IGSF9B: variants seen among roughly 807,000 people sequenced by gnomAD.
The protein encoded by IGSF9B is protein turtle homolog B.
IGSF9B carries 48 observed loss-of-function variants against 143.7 expected under a neutral mutation model. The observed-to-expected ratio is 0.33, with a 90% confidence interval of 0.26 to 0.42. The LOEUF (loss-of-function observed/expected upper bound fraction) is 0.42. Ranked by LOEUF, IGSF9B falls within the 20% of genes least tolerant of loss-of-function variation. The pLI is 1.00. For missense variants in IGSF9B, 1,706 were observed against 1,980.0 expected (o/e 0.86, Z 2.63); for synonymous variants, 903 against 833.1 (o/e 1.08, Z -1.44).
At chr11:133,927,943 G>A (rs1177725783) in intron 12 of IGSF9B, among the ~76,000 whole-genome samples, 1 of 152,182 alleles carries the variant, frequency 6.6e-6, no homozygotes, top group Admixed American at 6.5e-5. Context: ...AAAGAAGCCG[G>A]CGCCAAACGT....
rs539251835 is a variant in IGSF9B at position 133,909,831 on chromosome 11, A to G, written c.4106-554T>C. 2.6e-5 allele frequency among the ~76,000 whole-genome samples: 4 copies of G among 152,372 alleles called. No individual in the cohort carries two copies. Among genetic ancestry groups the G allele is most frequent in the Admixed American group, 1.3e-4 (2 of 15,310 alleles). On this transcript the variant is annotated intron_variant, in intron 19 of 19. Coordinates refer to ENST00000533871, the MANE Select transcript of IGSF9B (RefSeq NM_001277285.4). The surrounding 1 kb of genome is among the most constrained non-coding windows in gnomAD (Gnocchi z 4.2). ...TCCATGTGAGGGTGCAGAGGAAGAG[A>G]CAAACTGTCAAGACTTTAAAAACAC...
rs1047021142 is a variant in IGSF9B, at chr11:133,901,464, G to T, written c.*7605C>A. The stretch of plus-strand genomic sequence containing the variant: ...TTTATATATGTGTGCAGAGGGCACG[G>T]GCCCCTGCCCATCTTGCCCGGCACT... On this transcript the variant is annotated 3_prime_UTR_variant, in exon 20 of 20. Coordinates refer to ENST00000533871, the MANE Select transcript of IGSF9B (RefSeq NM_001277285.4). 1 of 152,074 alleles carries T rather than the reference G, an allele frequency of 6.6e-6. No homozygotes were observed. The highest frequency in any genetic ancestry group is 6.6e-5 in the Admixed American group (1 of 15,266). The allele number at this position is 152,074 out of a possible 1,614,324, so 9.4% of individuals were successfully genotyped here. A position where few individuals can be genotyped will look rare whatever the true frequency, so the allele number is the denominator to read the frequency against.
intron 7 of IGSF9B, among the ~76,000 whole-genome samples, chr11:133,935,023 T>A (rs1939796939): frequency 6.6e-6 from 1 of 152,202 alleles, no homozygotes; most frequent in Non-Finnish European, 1.5e-5. Flanking sequence ...GTATTAAAGA[T>A]CAGCAAGCTG....
intron 6 of IGSF9B, 53 bp downstream of exon 6, chr11:133,936,000 C>T: frequency 6.3e-7 from 1 of 1,594,310 alleles, no homozygotes; most frequent in Non-Finnish European, 8.6e-7. Flanking sequence ...AGGGGCCCTG[C>T]CCGTGGGGGC....
At chr11:133,919,085 G>A (rs776380242) in intron 18 of IGSF9B, 1 of 463,726 alleles carries the variant, frequency 2.2e-6, no homozygotes, top group Non-Finnish European at 4.4e-6. Context: ...CGCGGGAGCT[G>A]GTCTGTCTCT....
intron 18 of IGSF9B, among the ~76,000 whole-genome samples, chr11:133,915,674 G>C (rs1263796865): frequency 1.3e-5 from 2 of 152,196 alleles, no homozygotes; most frequent in Non-Finnish European, 2.9e-5. Flanking sequence ...CAAAGTGGAG[G>C]CAAGCCTCAG....
chr11:133,944,370 G>T lies in IGSF9B; in HGVS notation c.263-4C>A. 1 of 1,612,926 alleles carries T rather than the reference G, an allele frequency of 6.2e-7. No homozygotes were observed. The highest frequency in any genetic ancestry group is 1.3e-5 in the African/African-American group (1 of 75,032). ...TTATCATGAAGACTGGCCCGGCCTG[G>T]GGGAATAGAGCAGACAAAAGCCCCA... On this transcript the variant is annotated splice_polypyrimidine_tract_variant and splice_region_variant and intron_variant, in intron 2 of 19. Coordinates refer to ENST00000533871, the MANE Select transcript of IGSF9B (RefSeq NM_001277285.4).
intron 1 of IGSF9B, among the ~76,000 whole-genome samples, chr11:133,949,840 G>A (rs572049669): frequency 6.6e-6 from 1 of 152,310 alleles, no homozygotes; most frequent in African/African-American, 2.4e-5. Flanking sequence ...CCTCAAAGGG[G>A]GAAAACCAGC....
At chr11:133,917,919 C>T (rs1476724187) in intron 18 of IGSF9B, among the ~76,000 whole-genome samples, 3 of 151,990 alleles carry the variant, frequency 2.0e-5, no homozygotes, top group East Asian at 3.9e-4. Context: ...TGTTCTGGGC[C>T]CCTTCGGGGT....
chr11:133,951,490 G>T (rs917979297), intron 1 of IGSF9B, among the ~76,000 whole-genome samples: 3 of 152,246 alleles, frequency 2.0e-5, no homozygotes, highest in African/African-American at 4.8e-5. Context: ...GGGCCGCTCC[G>T]GCCCTGAGCC....
At position 133,911,921 on chromosome 11, in the gene IGSF9B, G is replaced by A. The variant is rs973715613; in HGVS notation, c.4070C>T (p.Ser1357Leu). Reference sequence around the variant, plus strand: ...CTTTGACTTCGAAGAGCCCTTGGATGACTTTTTGGGCTTCTTTATCCGTTG... The same window carrying A: ...CTTTGACTTCGAAGAGCCCTTGGATAACTTTTTGGGCTTCTTTATCCGTTG... ...KYQRIKKPKK[S>L]SKGSSKSKKR... is the part of the protein sequence containing the mutation. Residue 1357 changes from serine to leucine, a missense_variant, in exon 19 of 20, where the codon TCA becomes TTA. Ser to Leu is a moderately radical substitution (Grantham distance 145). Transcript: ENST00000533871. 3 of 1,534,922 alleles carry A rather than the reference G, an allele frequency of 2.0e-6. No homozygotes were observed. The Middle Eastern group carries it at 5.0e-4, about 257-fold the overall frequency.
chr11:133,946,092 G>A lies in IGSF9B; in HGVS notation c.231C>T (p.Tyr77=), dbSNP rs758616398. The A allele has an allele frequency of 1.2e-5, 19 of 1,600,582 alleles. No individual in the cohort carries two copies. Among genetic ancestry groups the A allele is most frequent in the Non-Finnish European group, 1.5e-5 (17 of 1,172,236 alleles). The part of the protein sequence containing the change: ...VPIPIFIKFG[Y]YPPHVDPEYA... ...ACTCAGGGTCCACGTGCGGCGGGTA[G>A]TAGCCAAACTTGATGAAGATAGGGA... Residue 77 remains tyrosine (Y), a synonymous_variant, in exon 2 of 20, where the codon TAC becomes TAT. Coordinates refer to ENST00000533871, the MANE Select transcript of IGSF9B (RefSeq NM_001277285.4).
rs976919914 is a variant in IGSF9B, at chr11:133,901,587, CCT to C, written c.*7480_*7481del. ...GATCCTTGCCTCCCACATACATTCCCCTCTCTCCTTAAAATAGAACCAATTCT... is the reference window on the plus strand; with the variant it reads ...GATCCTTGCCTCCCACATACATTCCCCTCTCCTTAAAATAGAACCAATTCT... On this transcript the variant is annotated 3_prime_UTR_variant, in exon 20 of 20. Coordinates refer to ENST00000533871, the MANE Select transcript of IGSF9B (RefSeq NM_001277285.4). 3.3e-5 allele frequency: 5 copies of C among 152,196 alleles called. No homozygotes were observed. The highest frequency in any genetic ancestry group is 9.7e-5 in the African/African-American group (4 of 41,396). The allele number at this position is 152,196 out of a possible 1,614,324, so 9.4% of individuals were successfully genotyped here.
At chr11:133,941,729 G>A (rs749955198) in intron 3 of IGSF9B, among the ~76,000 whole-genome samples, 7 of 152,094 alleles carry the variant, frequency 4.6e-5, no homozygotes, top group Non-Finnish European at 7.4e-5. Flanking sequence ...CAGCTTTCCC[G>A]CCCAGCATTT....
At chr11:133,940,000 C>T (rs774458032) in intron 3 of IGSF9B, among the ~76,000 whole-genome samples, 11 of 145,394 alleles carry the variant, frequency 7.6e-5, no homozygotes, top group Non-Finnish European at 1.5e-4. Context: ...ACACCTTGCA[C>T]GTCATCGCAC....
In IGSF9B at chr11:133,956,718, T is replaced by A. The variant is rs747954751; in HGVS notation, c.37A>T (p.Ile13Phe). ...TCAGCCGCAAGCCCTCGGGTGCCGA[T>A]CACACTTGCTATGAAAGTGGCCACA... The part of the protein sequence containing the change: ...WYVATFIASV[I>F]GTRGLAAEGA... The change falls in exon 1 of 20, where the codon ATC becomes TTC. Residue 13 changes from isoleucine (I) to phenylalanine (F), a missense_variant. Around this residue, in one of 7 missense-constraint regions of IGSF9B, gnomAD observed 171 missense variants for 213.9 expected, o/e 0.80. Coordinates refer to ENST00000533871, the MANE Select transcript of IGSF9B (RefSeq NM_001277285.4). The A allele has an allele frequency of 3.9e-6, 6 of 1,547,160 alleles. No individual in the cohort carries two copies. The highest frequency in any genetic ancestry group is 5.2e-6 in the Non-Finnish European group (6 of 1,148,396).
intron 1 of IGSF9B, among the ~76,000 whole-genome samples, chr11:133,950,497 T>C (rs960321901): frequency 1.3e-5 from 2 of 152,218 alleles, no homozygotes; most frequent in Non-Finnish European, 2.9e-5. Context: ...CTGTGCCCGA[T>C]GCACGGATGG....
Position 133,903,976 on chromosome 11 carries a change from T to C in IGSF9B, c.*5093A>G, listed in dbSNP as rs1036221228. 3.3e-5 allele frequency among the ~76,000 whole-genome samples: 5 copies of C among 152,144 alleles called. No individual in the cohort carries two copies. The highest frequency in any genetic ancestry group is 1.2e-4 in the African/African-American group (5 of 41,420). On this transcript the variant is annotated 3_prime_UTR_variant, in exon 20 of 20. Transcript: ENST00000533871. ...CTAAAAAGAAGCAGAGCTGGAGACA[T>C]TAAAGAGAGAAGAATGGCTGGTCAA...
chr11:133,897,340 T>G lies in IGSF9B; in HGVS notation c.*11729A>C, dbSNP rs995154437. 3.9e-5 allele frequency: 6 copies of G among 152,106 alleles called. No individual in the cohort carries two copies. The highest frequency in any genetic ancestry group is 5.9e-5 in the Non-Finnish European group (4 of 68,036). 9.4% of individuals were successfully genotyped at this position (152,106 alleles called of 1,614,324 possible). A position where few individuals can be genotyped will look rare whatever the true frequency, so the allele number is the denominator to read the frequency against. On this transcript the variant is annotated 3_prime_UTR_variant, in exon 20 of 20. Transcript: ENST00000533871. ...TGTGCACCTGTGAGCTCTCTCCCGC[T>G]CTCACTCTCTTGCGTGCACACACGC...
Sources: allele counts gnomAD v4.1 joint callset (sites outside exome capture counted in the v4.1 genomes callset), GRCh38; gene constraint gnomAD v4.1.1; regional missense constraint gnomAD v4.1.1; non-coding constraint Gnocchi (gnomAD v3.1); transcripts MANE v1.5; gene names NCBI Gene and HGNC (gene_info 2026-07-23, HGNC 2026-07-21).